Variants in HPCAL1 observed in about 807,000 individuals in gnomAD.
The protein encoded by HPCAL1 is hippocalcin like 1.
In HPCAL1, 8 loss-of-function variants were observed where a neutral mutation model predicts 17.1. The ratio of observed to expected loss-of-function variants is 0.47; its 90% CI spans 0.27 to 0.84. The LOEUF is 0.84. Ranked by LOEUF, HPCAL1 falls within the 40% of genes least tolerant of loss-of-function variation. The pLI, the probability that HPCAL1 is intolerant of heterozygous loss-of-function variation, is 0.13. For synonymous variants in HPCAL1, 112 were observed against 111.4 expected (o/e 1.01, Z -0.03); for missense variants, 165 against 271.1 (o/e 0.61, Z 2.75).
intron 1 of HPCAL1, among the ~76,000 whole-genome samples, chr2:10,382,971 T>C (rs1339162320): frequency 6.6e-6 from 1 of 152,182 alleles, no homozygotes; most frequent in Non-Finnish European, 1.5e-5. Context: ...TGCACCACTC[T>C]CCAGGGCAGT....
intron 1 of HPCAL1, among the ~76,000 whole-genome samples, chr2:10,356,207 G>A (rs984080677): frequency 5.3e-5 from 8 of 152,310 alleles, no homozygotes; most frequent in Non-Finnish European, 1.0e-4. Flanking sequence ...CTAAGGACAC[G>A]CAGCTCCTAA....
chr2:10,374,090 C>T (rs1355495525), intron 1 of HPCAL1, among the ~76,000 whole-genome samples: 1 of 152,118 alleles, frequency 6.6e-6, no homozygotes, highest in Non-Finnish European at 1.5e-5. Flanking sequence ...CAGGCAGCGG[C>T]TCTTGCTTCT....
intron 1 of HPCAL1, among the ~76,000 whole-genome samples, chr2:10,317,101 A>G: frequency 6.6e-6 from 1 of 152,206 alleles, no homozygotes; most frequent in East Asian, 1.9e-4. Context: ...TTTCCTGGGT[A>G]TCCCAGTTGT....
At chr2:10,313,316 C>G (rs1663101564) in intron 1 of HPCAL1, among the ~76,000 whole-genome samples, 1 of 152,162 alleles carries the variant, frequency 6.6e-6, no homozygotes, top group Non-Finnish European at 1.5e-5. Context: ...TAGGTAGGAC[C>G]CTGTGGATTT....
intron 2 of HPCAL1, among the ~76,000 whole-genome samples, chr2:10,399,530 T>C (rs62130182): frequency 0.72 from 61,286 of 85,140 alleles, 20,310 homozygotes; most frequent in South Asian, 0.77. Context: ...CCACCGCCAC[T>C]GCCACCGCCA....
intron 2 of HPCAL1, among the ~76,000 whole-genome samples, chr2:10,399,315 A>ACTGCCACCACCG (rs1669330052): frequency 8.3e-6 from 1 of 120,182 alleles, no homozygotes; most frequent in Non-Finnish European, 1.9e-5. Context: ...CACCACCACC[A>ACTGCCACCACCG]CCACCACCAT....
intron 1 of HPCAL1, among the ~76,000 whole-genome samples, chr2:10,349,108 A>T (rs868233903): frequency 1.8e-4 from 28 of 152,192 alleles, no homozygotes; most frequent in African/African-American, 4.6e-4. Context: ...GGCTGCAGTT[A>T]ACAATGCTGG....
chr2:10,401,568 G>A (rs1342868718), intron 2 of HPCAL1, among the ~76,000 whole-genome samples: 2 of 152,118 alleles, frequency 1.3e-5, no homozygotes, highest in Non-Finnish European at 2.9e-5. Context: ...GATCTGCAGA[G>A]GATTTGGAAG....
At chr2:10,360,136 G>A (rs1019710223) in intron 1 of HPCAL1, among the ~76,000 whole-genome samples, 10 of 152,182 alleles carry the variant, frequency 6.6e-5, no homozygotes, top group Non-Finnish European at 1.0e-4. Flanking sequence ...TGGGTAGAGC[G>A]TGTCGGGTGA....
intron 1 of HPCAL1, among the ~76,000 whole-genome samples, chr2:10,372,437 G>A (rs1667279226): frequency 1.3e-5 from 2 of 152,074 alleles, no homozygotes; most frequent in African/African-American, 4.8e-5. Context: ...TCCCCCCCCA[G>A]GAGCTCCCAG....
chr2:10,369,381 A>AT (rs1042966226), intron 1 of HPCAL1, among the ~76,000 whole-genome samples: 5 of 151,944 alleles, frequency 3.3e-5, no homozygotes, highest in African/African-American at 1.2e-4. Context: ...TTCTCTCGGG[A>AT]TTTTTTCTGG....
intron 1 of HPCAL1, among the ~76,000 whole-genome samples, chr2:10,379,252 C>T (rs1219352917): frequency 2.0e-5 from 3 of 151,850 alleles, no homozygotes; most frequent in Non-Finnish European, 4.4e-5. Flanking sequence ...TCCAAAAACC[C>T]GTGCCTCCCT....
chr2:10,373,442 G>A (rs774857039), intron 1 of HPCAL1, among the ~76,000 whole-genome samples: 15 of 152,244 alleles, frequency 9.9e-5, no homozygotes, highest in Non-Finnish European at 1.8e-4. Flanking sequence ...CATCCGACTC[G>A]ATAATAGAAA....
In HPCAL1 at chr2:10,409,034, A is replaced by G. The variant is rs1270917849; in HGVS notation, c.-24-10700A>G. ...TAGATCCCAAATGGTATCATTTACC[A>G]TTTCACATGTAATCAAGAAAGAGAA... On this transcript the variant is annotated intron_variant, in intron 2 of 4. Coordinates refer to ENST00000307845, the MANE Select transcript of HPCAL1 (RefSeq NM_002149.4). Among the ~76,000 whole-genome samples, 3 of 152,234 alleles carry G rather than the reference A, an allele frequency of 2.0e-5. No individual in the cohort carries two copies. In the East Asian group the frequency reaches 5.8e-4, roughly 29 times the overall value.
intron 1 of HPCAL1, among the ~76,000 whole-genome samples, chr2:10,372,515 G>A (rs541580792): frequency 6.6e-6 from 1 of 152,230 alleles, no homozygotes; most frequent in African/African-American, 2.4e-5. Flanking sequence ...GTTGGATCGG[G>A]GAGGCGGACA....
At chr2:10,316,312 A>G (rs567344183) in intron 1 of HPCAL1, among the ~76,000 whole-genome samples, 1 of 152,246 alleles carries the variant, frequency 6.6e-6, no homozygotes, top group Non-Finnish European at 1.5e-5. Context: ...CTTTTTGAAA[A>G]TAACTTTTTC....
chr2:10,347,430 G>A (rs1164437070), intron 1 of HPCAL1, among the ~76,000 whole-genome samples: 4 of 152,134 alleles, frequency 2.6e-5, no homozygotes, highest in Non-Finnish European at 5.9e-5. Flanking sequence ...TGGTCACTTC[G>A]CCTAAGTTCC....
chr2:10,308,081 A>T (rs1162992270), intron 1 of HPCAL1, among the ~76,000 whole-genome samples: 1 of 152,038 alleles, frequency 6.6e-6, no homozygotes, highest in South Asian at 2.1e-4. Context: ...GTGAAGTGCT[A>T]TGGAGGGGAG....
rs16856089 is a variant in HPCAL1 at position 10,308,857 on chromosome 2, G to T, written c.-111+5680G>T. 7.6e-3 allele frequency among the ~76,000 whole-genome samples: 1,162 copies of T among 152,286 alleles called. 11 individuals are homozygous for T. Among genetic ancestry groups the T allele is most frequent in the African/African-American group, 0.026 (1,094 of 41,544 alleles). On this transcript the variant is annotated intron_variant, in intron 1 of 4. Coordinates refer to ENST00000307845, the MANE Select transcript of HPCAL1 (RefSeq NM_002149.4). Reference sequence around the variant, plus strand: ...CCTTAACTTGTTTCATCAAGAACTTGTGAGGCAAATGGCAAATCAAAAACA... The same window carrying T: ...CCTTAACTTGTTTCATCAAGAACTTTTGAGGCAAATGGCAAATCAAAAACA...
Sources: gnomAD v4.1 joint callset for allele counts (sites outside exome capture counted in the v4.1 genomes callset) on GRCh38, gnomAD v4.1.1 for gene constraint, MANE v1.5 for transcripts, NCBI Gene and HGNC (gene_info 2026-07-23, HGNC 2026-07-21) for gene names.